UGT3A1: variants seen among roughly 807,000 people sequenced by gnomAD.
UGT3A1 encodes UDP-glycosyltransferase 3A1.
Under a neutral mutation model 37.6 loss-of-function variants are expected in UGT3A1, and 40 were observed. The observed-to-expected ratio is 1.06, with a 90% CI of 0.83 to 1.38. The LOEUF is 1.38. Ranked by LOEUF, UGT3A1 falls within the 40% of genes most tolerant of loss-of-function variation. UGT3A1 has a pLI of 0.00. For missense variants in UGT3A1, 642 were observed against 634.2 expected, an observed-to-expected ratio of 1.01 and a Z score of -0.13; for synonymous variants, 256 against 232.3, an observed-to-expected ratio of 1.10 and a Z score of -0.93.
intron 3 of UGT3A1, among the ~76,000 whole-genome samples, chr5:35,966,264 C>T (rs1739805254): frequency 6.6e-6 from 1 of 152,204 alleles, no homozygotes; most frequent in Non-Finnish European, 1.5e-5. Flanking sequence ...TGTTAACCTT[C>T]ATTTATATAC....
At chr5:35,957,654 T>C (rs945480385) in intron 4 of UGT3A1, among the ~76,000 whole-genome samples, 17 of 152,216 alleles carry the variant, frequency 1.1e-4, no homozygotes, top group African/African-American at 3.9e-4. Flanking sequence ...TTTTTGCATA[T>C]AAATTATAAA....
upstream of UGT3A1, among the ~76,000 whole-genome samples, chr5:35,994,968 T>G (rs1741060495): frequency 6.6e-6 from 1 of 152,186 alleles, no homozygotes; most frequent in Non-Finnish European, 1.5e-5. Flanking sequence ...TATGCCCAAA[T>G]TAGTGTAACT....
At chr5:35,981,062 T>C (rs1177890698) in intron 2 of UGT3A1, among the ~76,000 whole-genome samples, 1 of 152,140 alleles carries the variant, frequency 6.6e-6, no homozygotes, top group Non-Finnish European at 1.5e-5. Context: ...AGTCAGCCCA[T>C]GAAGATCACT....
At chr5:35,965,949 G>A in intron 3 of UGT3A1, 32 bp from the exon 4 acceptor site, 2 of 1,439,480 alleles carry the variant, frequency 1.4e-6, no homozygotes, top group Non-Finnish European at 1.8e-6. Context: ...ATAAATATTT[G>A]GGAAAGTGTA....
intron 4 of UGT3A1, chr5:35,962,771 C>T (rs76212882): frequency 0.12 from 73,985 of 640,238 alleles, 4,666 homozygotes; most frequent in South Asian, 0.15. Flanking sequence ...ACCTTTGTTC[C>T]GAGGGCTAGG....
rs1370044137 is a variant in UGT3A1, at chr5:35,965,557, G to C, written c.672C>G (p.Thr224=). The change falls in exon 4 of 7, where the codon ACC becomes ACG. Residue 224 remains threonine, a synonymous_variant. Coordinates refer to ENST00000274278, the MANE Select transcript of UGT3A1 (RefSeq NM_152404.4). ...AGCCTTCTGGGAAATGCTCCTTGAT[G>C]GTGTTGTCAAATGTAGACTGCATGT... ...QWDMQSTFDN[T]IKEHFPEGSR... is the part of the protein sequence containing the mutation. The C allele has an allele frequency of 6.2e-7, 1 of 1,614,194 alleles. No homozygotes were observed.
chr5:35,972,787 A>C (rs1322574054), intron 2 of UGT3A1, among the ~76,000 whole-genome samples: 12 of 151,986 alleles, frequency 7.9e-5, no homozygotes, highest in Admixed American at 7.2e-4. Context: ...GTTTCTTCTA[A>C]TTTGATAGAG....
At position 35,954,124 on chromosome 5, in the gene UGT3A1, G is replaced by A; in HGVS notation, c.*78C>T. The stretch of plus-strand genomic sequence containing the variant: ...CAGGTGGAGCTGAAGAGAGAACAGA[G>A]GGGTGGCGTGTGCTGGGGTGGGGAG... On this transcript the variant is annotated 3_prime_UTR_variant, in exon 7 of 7. Coordinates refer to ENST00000274278, the MANE Select transcript of UGT3A1 (RefSeq NM_152404.4). The A allele has an allele frequency of 6.8e-7, 1 of 1,475,042 alleles. No individual in the cohort carries two copies. Among genetic ancestry groups the A allele is most frequent in the Non-Finnish European group, 9.3e-7 (1 of 1,077,082 alleles). The allele number at this position is 1,475,042 out of a possible 1,614,324, so 91.4% of individuals were successfully genotyped here.
At chr5:35,959,592 A>G (rs1000611733) in intron 4 of UGT3A1, among the ~76,000 whole-genome samples, 7 of 152,196 alleles carry the variant, frequency 4.6e-5, no homozygotes, top group African/African-American at 1.7e-4. Flanking sequence ...AGAAATAATC[A>G]GTGAACTTGA....
chr5:35,955,632 G>C lies in UGT3A1; in HGVS notation c.1295+13C>G. ...TTCAGCCTTAGTGACCACATGCTTAGAGAGCCACATACCTCTTGTCTTCTA... is the reference window on the plus strand; with the variant it reads ...TTCAGCCTTAGTGACCACATGCTTACAGAGCCACATACCTCTTGTCTTCTA... On this transcript the variant is annotated intron_variant, in intron 6 of 6. Transcript: ENST00000274278. 6.2e-7 allele frequency: 1 copy of C among 1,614,054 alleles called. No individual in the cohort carries two copies. The highest frequency in any genetic ancestry group is 1.3e-5 in the African/African-American group (1 of 75,044).
At chr5:35,959,545 T>C (rs958765142) in intron 4 of UGT3A1, among the ~76,000 whole-genome samples, 10 of 152,124 alleles carry the variant, frequency 6.6e-5, no homozygotes, top group Admixed American at 1.3e-4. Context: ...AGCTCAAATA[T>C]GAAATCATTA....
At chr5:35,960,497 A>C (rs964792093) in intron 4 of UGT3A1, among the ~76,000 whole-genome samples, 1 of 152,150 alleles carries the variant, frequency 6.6e-6, no homozygotes, top group Non-Finnish European at 1.5e-5. Flanking sequence ...CTGCTGCTCA[A>C]ACTCCTTACA....
Position 35,952,351 on chromosome 5 carries a change from C to G in UGT3A1, c.*1851G>C, listed in dbSNP as rs16902651. ...AATCATAGAGCCCTTATATTCCACA[C>G]AATGGGAACAAAGATTTTAAACAGT... On this transcript the variant is annotated 3_prime_UTR_variant, in exon 7 of 7. Coordinates refer to ENST00000274278, the MANE Select transcript of UGT3A1 (RefSeq NM_152404.4). 1 of 152,122 alleles carries G rather than the reference C, an allele frequency of 6.6e-6. No homozygotes were observed. Among genetic ancestry groups the G allele is most frequent in the Admixed American group, 6.5e-5 (1 of 15,284 alleles). The allele number at this position is 152,122 out of a possible 1,614,324, so 9.4% of individuals were successfully genotyped here. A position where few individuals can be genotyped will look rare whatever the true frequency, so the allele number is the denominator to read the frequency against.
In UGT3A1 at chr5:35,964,518, A is replaced by G. The variant is rs1739718962; in HGVS notation, c.843+868T>C. Among the ~76,000 whole-genome samples the G allele has an allele frequency of 2.0e-5, 3 of 152,162 alleles. No homozygotes were observed. The South Asian group carries it at 6.2e-4, about 32-fold the overall frequency. On this transcript the variant is annotated intron_variant, in intron 4 of 6. Coordinates refer to ENST00000274278, the MANE Select transcript of UGT3A1 (RefSeq NM_152404.4). ...CAACTCTTCCTGTTTACTCAATATA[A>G]GATCAGGGAAGGAAGAACAGTCACT...
chr5:35,971,754 AG>A (rs1740048572), intron 2 of UGT3A1, among the ~76,000 whole-genome samples: 1 of 152,048 alleles, frequency 6.6e-6, no homozygotes, highest in African/African-American at 2.4e-5. Context: ...TTTTTCTGGG[AG>A]GGGCAAACTG....
intron 2 of UGT3A1, among the ~76,000 whole-genome samples, chr5:35,970,132 T>C (rs1050802779): frequency 6.6e-6 from 1 of 152,136 alleles, no homozygotes; most frequent in Non-Finnish European, 1.5e-5. Flanking sequence ...GGCTCACTCC[T>C]GTAATCCCAG....
At chr5:35,987,868 A>G (rs181349032) in intron 2 of UGT3A1, among the ~76,000 whole-genome samples, 10 of 152,324 alleles carry the variant, frequency 6.6e-5, no homozygotes, top group African/African-American at 2.4e-4. Flanking sequence ...ACAGGAATTT[A>G]TGAGTTTCAT....
chr5:35,994,048 C>CT (rs529953107), upstream of UGT3A1, among the ~76,000 whole-genome samples: 13 of 152,194 alleles, frequency 8.5e-5, no homozygotes, highest in South Asian at 1.2e-3. Context: ...AAAAAAACTC[C>CT]TTTTTTGTGG....
chr5:35,995,781 C>T (rs2111586807), upstream of UGT3A1, among the ~76,000 whole-genome samples: 1 of 152,238 alleles, frequency 6.6e-6, no homozygotes, highest in South Asian at 2.1e-4. Flanking sequence ...TCCAACAATG[C>T]TGCCAGAACC....
Sources: allele counts gnomAD v4.1 joint callset (sites outside exome capture counted in the v4.1 genomes callset), GRCh38; gene constraint gnomAD v4.1.1; transcripts MANE v1.5; gene names NCBI Gene and HGNC (gene_info 2026-07-23, HGNC 2026-07-21).